CRAMP1: variants seen among roughly 807,000 people sequenced by gnomAD.
CRAMP1 encodes the protein cramped chromatin regulator 1, also known as protein cramped-like.
Under a neutral mutation model 115.4 loss-of-function variants are expected in CRAMP1, and 50 were observed. The observed-to-expected ratio is 0.43, with a 90% CI of 0.35 to 0.55. The LOEUF (loss-of-function observed/expected upper bound fraction) is 0.55. Ranked by LOEUF, CRAMP1 falls within the 20% of genes least tolerant of loss-of-function variation. The pLI, the probability that CRAMP1 is intolerant of heterozygous loss-of-function variation, is 0.01. For synonymous variants in CRAMP1, 866 were observed against 745.4 expected, an observed-to-expected ratio of 1.16 and a Z score of -2.64; for missense variants, 1,679 against 1,721.7, an observed-to-expected ratio of 0.98 and a Z score of 0.44.
At chr16:1,659,778 CTG>C (rs1372523517) in intron 10 of CRAMP1, 106 bp from the exon 11 acceptor site, 6 of 1,088,586 alleles carry the variant, frequency 5.5e-6, no homozygotes, top group South Asian at 2.6e-5. Flanking sequence ...CGTCATGACA[CTG>C]TGCTTTCTGA....
rs373248101 is a variant in CRAMP1 at position 1,662,870 on chromosome 16, G to A, written c.2670+35G>A. ...TTCTCAAGTCTGAACGTGTGGCCTCGTGGCTGGGCCAACCAGGACACAGGG... is the reference window on the plus strand; with the variant it reads ...TTCTCAAGTCTGAACGTGTGGCCTCATGGCTGGGCCAACCAGGACACAGGG... On this transcript the variant is annotated intron_variant, in intron 13 of 20. Transcript: ENST00000397412. 740 of 1,571,814 alleles carry A rather than the reference G, an allele frequency of 4.7e-4. 6 individuals are homozygous for A. The highest frequency in any genetic ancestry group is 2.1e-4 in the South Asian group (19 of 89,168).
chr16:1,672,356 G>C lies in CRAMP1; in HGVS notation c.3646-1525G>C, dbSNP rs775782680. Among the ~76,000 whole-genome samples the C allele has an allele frequency of 1.3e-5, 2 of 152,090 alleles. No individual in the cohort carries two copies. Among genetic ancestry groups the C allele is most frequent in the African/African-American group, 4.8e-5 (2 of 41,374 alleles). ...CGTTTAGCATGAGATTTTCCCGAGA[G>C]CCCTCCACTCAGAACGTGAGTATGT... On this transcript the variant is annotated intron_variant, in intron 20 of 20. Coordinates refer to ENST00000397412, the MANE Select transcript of CRAMP1 (RefSeq NM_020825.4). This position sits in a 1 kb window ranked among gnomAD's most constrained non-coding sequence, Gnocchi z 4.9.
At chr16:1,621,737 T>C (rs988780257) in intron 2 of CRAMP1, among the ~76,000 whole-genome samples, 4 of 152,080 alleles carry the variant, frequency 2.6e-5, no homozygotes, top group Admixed American at 2.0e-4. Context: ...GAGTGCACTG[T>C]TGGCGATCCT....
chr16:1,660,151 G>C, intron 11 of CRAMP1, 88 bp downstream of exon 11: 1 of 1,232,962 alleles, frequency 8.1e-7, no homozygotes, highest in Non-Finnish European at 1.1e-6. Flanking sequence ...TGAGAGCACA[G>C]GTGTGCCTGA....
chr16:1,668,486 C>A (rs970917563), intron 18 of CRAMP1, among the ~76,000 whole-genome samples: 1 of 152,192 alleles, frequency 6.6e-6, no homozygotes, highest in Non-Finnish European at 1.5e-5. Context: ...CCTAGTTGAT[C>A]TTGAACCTGA....
At chr16:1,637,777 C>G (rs368584488) in intron 4 of CRAMP1, 47 bp from the exon 5 acceptor site, 21 of 983,336 alleles carry the variant, frequency 2.1e-5, no homozygotes, top group Non-Finnish European at 2.8e-5. Flanking sequence ...AGCCAGGCAG[C>G]GCCTCCTGTT....
chr16:1,639,520 G>T (rs1194928390), intron 5 of CRAMP1, among the ~76,000 whole-genome samples: 4 of 151,910 alleles, frequency 2.6e-5, no homozygotes, highest in African/African-American at 7.3e-5. Flanking sequence ...GCATCTGATT[G>T]GTTGTGGAAA....
intron 3 of CRAMP1, among the ~76,000 whole-genome samples, chr16:1,629,651 C>T (rs2036533084): frequency 1.3e-5 from 2 of 152,080 alleles, no homozygotes; most frequent in South Asian, 2.1e-4. Flanking sequence ...ATGCAGAGGC[C>T]GTCAAGTTGC....
At chr16:1,652,699 TC>T in intron 7 of CRAMP1, 118 bp downstream of exon 7, 1 of 901,322 alleles carries the variant, frequency 1.1e-6, no homozygotes, top group Non-Finnish European at 1.7e-6. Flanking sequence ...CCCTGCTTAA[TC>T]CCAGGGCTGC....
chr16:1,634,187 C>G (rs1420711140), intron 4 of CRAMP1, among the ~76,000 whole-genome samples: 2 of 152,136 alleles, frequency 1.3e-5, no homozygotes, highest in Non-Finnish European at 2.9e-5. Flanking sequence ...ATTCCAGGAG[C>G]TTCGGTCTAG....
At chr16:1,649,121 A>C (rs753445732) in intron 6 of CRAMP1, among the ~76,000 whole-genome samples, 1 of 152,002 alleles carries the variant, frequency 6.6e-6, no homozygotes, top group Non-Finnish European at 1.5e-5. Flanking sequence ...CATCCTCTCT[A>C]AATTATCCCT....
intron 3 of CRAMP1, among the ~76,000 whole-genome samples, chr16:1,628,929 C>T (rs1361621803): frequency 3.3e-5 from 5 of 152,210 alleles, no homozygotes; most frequent in Admixed American, 2.0e-4. Context: ...CAGTGCTGGG[C>T]ATGCTCAGAT....
At chr16:1,673,500 C>T (rs986365383) in intron 20 of CRAMP1, among the ~76,000 whole-genome samples, 2 of 151,964 alleles carry the variant, frequency 1.3e-5, no homozygotes, top group African/African-American at 4.9e-5. Context: ...CTCTGGCCTC[C>T]TTTTCCCGGC....
intron 2 of CRAMP1, 50 bp downstream of exon 2, chr16:1,615,035 C>A: frequency 9.0e-7 from 1 of 1,116,994 alleles, no homozygotes; most frequent in Non-Finnish European, 1.1e-6. Context: ...CCGGGGTGTG[C>A]CGCGGGGGAG....
intron 5 of CRAMP1, among the ~76,000 whole-genome samples, chr16:1,639,421 T>C (rs1415349339): frequency 6.6e-6 from 1 of 150,834 alleles, no homozygotes; most frequent in African/African-American, 2.4e-5. Context: ...AGGTTTCCCA[T>C]TGGCTGCTTG....
intron 1 of CRAMP1, among the ~76,000 whole-genome samples, chr16:1,613,581 G>A (rs2036383886): frequency 6.6e-6 from 1 of 152,206 alleles, no homozygotes; most frequent in South Asian, 2.1e-4. Context: ...AGCTCTTGCT[G>A]TGTACCTGAT....
intron 7 of CRAMP1, 122 bp downstream of exon 7, chr16:1,652,703 A>G (rs1452530251): frequency 5.8e-6 from 5 of 859,718 alleles, no homozygotes. Flanking sequence ...GCTTAATCCC[A>G]GGGCTGCACA....
intron 10 of CRAMP1, among the ~76,000 whole-genome samples, chr16:1,658,862 G>T (rs1357608326): frequency 6.6e-6 from 1 of 152,178 alleles, no homozygotes; most frequent in Non-Finnish European, 1.5e-5. Flanking sequence ...CCATAGGGAG[G>T]TTGCCCCGGG....
At chr16:1,641,532 A>G (rs2036632109) in intron 6 of CRAMP1, among the ~76,000 whole-genome samples, 1 of 152,050 alleles carries the variant, frequency 6.6e-6, no homozygotes, top group South Asian at 2.1e-4. Flanking sequence ...CCCGGCTTCT[A>G]GGGCCTCTCC....
Sources: gnomAD v4.1 joint callset for allele counts (sites outside exome capture counted in the v4.1 genomes callset) on GRCh38, gnomAD v4.1.1 for gene constraint, Gnocchi (gnomAD v3.1) non-coding constraint, MANE v1.5 for transcripts, NCBI Gene and HGNC (gene_info 2026-07-23, HGNC 2026-07-21) for gene names.